IL7: variants seen among roughly 807,000 people sequenced by gnomAD.
IL7 encodes the protein interleukin 7.
A neutral mutation model predicts 21.6 loss-of-function variants in IL7; 3 were observed. The ratio of observed to expected loss-of-function variants is 0.14; its 90% confidence interval spans 0.06 to 0.36. The LOEUF (loss-of-function observed/expected upper bound fraction) is 0.36. IL7 is among the 10% of genes least tolerant of loss of function. IL7 has a pLI of 1.00. For missense variants in IL7, 175 were observed against 200.2 expected, an observed-to-expected ratio of 0.87 and a Z score of 0.76; for synonymous variants, 62 against 68.1, an observed-to-expected ratio of 0.91 and a Z score of 0.44.
intron 2 of IL7, among the ~76,000 whole-genome samples, chr8:78,782,746 C>A (rs888677031): frequency 6.6e-6 from 1 of 152,110 alleles, no homozygotes; most frequent in Admixed American, 6.6e-5. Flanking sequence ...GAATCCCACT[C>A]GTCTGAACTG....
intron 4 of IL7, among the ~76,000 whole-genome samples, chr8:78,680,745 G>C (rs1289565328): frequency 6.6e-6 from 1 of 152,180 alleles, no homozygotes; most frequent in Non-Finnish European, 1.5e-5. Context: ...GAAATTGCTT[G>C]GGGGCCTGTG....
chr8:78,763,893 T>C (rs1812662675), intron 2 of IL7, among the ~76,000 whole-genome samples: 1 of 152,106 alleles, frequency 6.6e-6, no homozygotes, highest in Non-Finnish European at 1.5e-5. Flanking sequence ...TATAGACAAG[T>C]ACCTCTCATG....
intron 5 of IL7, among the ~76,000 whole-genome samples, chr8:78,735,430 A>C (rs1015188686): frequency 3.3e-5 from 5 of 151,542 alleles, no homozygotes; most frequent in African/African-American, 9.7e-5. Flanking sequence ...CTCCTGCCTC[A>C]GCCTCCTGAG....
intron 4 of IL7, among the ~76,000 whole-genome samples, chr8:78,678,017 G>A (rs575255618): frequency 3.3e-5 from 5 of 152,126 alleles, no homozygotes; most frequent in African/African-American, 9.7e-5. Context: ...CTGTCATGGC[G>A]CTGGTGGGAG....
At chr8:78,690,775 T>C (rs967730277) in intron 3 of IL7, among the ~76,000 whole-genome samples, 1 of 152,190 alleles carries the variant, frequency 6.6e-6, no homozygotes, top group African/African-American at 2.4e-5. Flanking sequence ...TTTAGCAGTG[T>C]TTTGTAGTGT....
chr8:78,793,027 GAATTTTATTGAGCCATGAAGAGA>G (rs1187815543), intron 2 of IL7, among the ~76,000 whole-genome samples: 1 of 152,070 alleles, frequency 6.6e-6, no homozygotes, highest in African/African-American at 2.4e-5. Context: ...CCATACAACA[GAATTTTATTGAGCCATGAAGAGA>G]AATGAAATAC....
chr8:78,771,558 C>T (rs573870697), intron 2 of IL7, among the ~76,000 whole-genome samples: 7 of 152,128 alleles, frequency 4.6e-5, no homozygotes, highest in Admixed American at 2.0e-4. Context: ...CATGGAGAAA[C>T]GCAGAGTCAA....
At chr8:78,780,491 G>A (rs766089051) in intron 2 of IL7, among the ~76,000 whole-genome samples, 22 of 151,978 alleles carry the variant, frequency 1.4e-4, no homozygotes, top group Admixed American at 5.9e-4. Flanking sequence ...ATTATTTACC[G>A]AGGAGTCATT....
intron 2 of IL7, among the ~76,000 whole-genome samples, chr8:78,744,674 G>C (rs1811917755): frequency 6.6e-6 from 1 of 152,140 alleles, no homozygotes; most frequent in Admixed American, 6.5e-5. Flanking sequence ...TGCTTTTCTG[G>C]AGTTGCAGTT....
chr8:78,681,735 G>T (rs928994936), intron 4 of IL7, among the ~76,000 whole-genome samples: 1 of 151,974 alleles, frequency 6.6e-6, no homozygotes, highest in Non-Finnish European at 1.5e-5. Context: ...TTTTATATTT[G>T]TTCTGGTATC....
chr8:78,725,377 A>AG (rs113918986), intron 3 of IL7, among the ~76,000 whole-genome samples: 151,482 of 151,494 alleles, frequency 1, 75,735 homozygotes, highest in Middle Eastern at 1. Flanking sequence ...CCAAGTTTGG[A>AG]GCTGTTCAGC....
chr8:78,750,199 T>C (rs1001449062), intron 2 of IL7, among the ~76,000 whole-genome samples: 2 of 151,892 alleles, frequency 1.3e-5, no homozygotes, highest in Non-Finnish European at 2.9e-5. Context: ...GTTTTTCACA[T>C]GTTGGAAGGC....
At chr8:78,781,276 T>G (rs1347689393) in intron 2 of IL7, among the ~76,000 whole-genome samples, 1 of 152,214 alleles carries the variant, frequency 6.6e-6, no homozygotes, top group Non-Finnish European at 1.5e-5. Context: ...TAGCTGGTTA[T>G]TTTACAGACT....
chr8:78,730,872 G>A, downstream of IL7, among the ~76,000 whole-genome samples: 1 of 151,772 alleles, frequency 6.6e-6, no homozygotes, highest in Non-Finnish European at 1.5e-5. Context: ...AACAACTAAG[G>A]GAACATACAT....
chr8:78,690,121 G>A (rs1039563382), intron 3 of IL7, among the ~76,000 whole-genome samples: 2 of 152,216 alleles, frequency 1.3e-5, no homozygotes, highest in Admixed American at 6.5e-5. Flanking sequence ...AAATGTATGG[G>A]TTTATTTCAG....
chr8:78,790,904 A>G (rs1813667962), intron 2 of IL7, among the ~76,000 whole-genome samples: 1 of 151,532 alleles, frequency 6.6e-6, no homozygotes, highest in Non-Finnish European at 1.5e-5. Context: ...TAGTTTATGC[A>G]TGAACCAAAA....
At chr8:78,746,817 T>C in intron 2 of IL7, 2 of 346,710 alleles carry the variant, frequency 5.8e-6, no homozygotes, top group Non-Finnish European at 1.1e-5. Context: ...ACTATTGCTT[T>C]TTAGATCAAC....
chr8:78,726,385 G>GGT (rs1023208535), intron 3 of IL7, among the ~76,000 whole-genome samples: 42 of 151,974 alleles, frequency 2.8e-4, no homozygotes, highest in African/African-American at 9.6e-4. Context: ...CCTCTGGAAT[G>GGT]GTGTGTGTGT....
At chr8:78,787,422 A>T (rs1813548666) in intron 2 of IL7, among the ~76,000 whole-genome samples, 1 of 152,180 alleles carries the variant, frequency 6.6e-6, no homozygotes, top group Non-Finnish European at 1.5e-5. Context: ...ACTCTCACAC[A>T]TTTGGTCATA....
Sources: gnomAD v4.1 joint callset for allele counts (sites outside exome capture counted in the v4.1 genomes callset) on GRCh38, gnomAD v4.1.1 for gene constraint, MANE v1.5 for transcripts, NCBI Gene and HGNC (gene_info 2026-07-23, HGNC 2026-07-21) for gene names.